TVP23A: variants seen among roughly 807,000 people sequenced by gnomAD.
TVP23A encodes trans-golgi network vesicle protein 23 homolog A, also known as Golgi apparatus membrane protein TVP23 homolog A.
A neutral mutation model predicts 31.7 loss-of-function variants in TVP23A; 21 were observed. That is an observed-to-expected ratio of 0.66 (90% CI 0.47 to 0.95). The LOEUF (loss-of-function observed/expected upper bound fraction) is 0.95, where lower values mean the gene tolerates loss of function less well. Among genes scored for constraint, TVP23A ranks in the 40% least tolerant of loss-of-function variants. TVP23A has a pLI of 0.00. For missense variants in TVP23A, 279 were observed against 255.6 expected (o/e 1.09, Z -0.62); for synonymous variants, 104 against 96.0 (o/e 1.08, Z -0.49).
Position 10,766,995 on chromosome 16 carries a change from C to T in TVP23A, c.*2107G>A. On this transcript the variant is annotated 3_prime_UTR_variant, in exon 8 of 8. Coordinates refer to ENST00000299866, the MANE Select transcript of TVP23A (RefSeq NM_001079512.4). This position sits in a 1 kb window ranked among gnomAD's most constrained non-coding sequence, Gnocchi z 4.8. ...TCTCCCACCAACCCCTCCCCACAGG[C>T]TTCTTCCCCGACTTGGACTTCCCTG... 1 of 398,836 alleles carries T rather than the reference C, an allele frequency of 2.5e-6. No homozygotes were observed. The highest frequency in any genetic ancestry group is 4.4e-6 in the Non-Finnish European group (1 of 226,210). 24.7% of individuals were successfully genotyped at this position (398,836 alleles called of 1,614,324 possible). A position where few individuals can be genotyped will look rare whatever the true frequency, so the allele number is the denominator to read the frequency against.
intron 2 of TVP23A, among the ~76,000 whole-genome samples, chr16:10,817,276 G>A (rs1041405040): frequency 2.8e-4 from 42 of 152,206 alleles, no homozygotes; most frequent in African/African-American, 9.9e-4. Context: ...ACTTTCTGGG[G>A]TTTATTAGGT....
At chr16:10,762,343 A>G (rs2142763970), downstream of TVP23A, among the ~76,000 whole-genome samples, 1 of 152,284 alleles carries the variant, frequency 6.6e-6, no homozygotes, top group South Asian at 2.1e-4. Flanking sequence ...GCAGGGGCCA[A>G]GTTCCCAAAA....
At chr16:10,761,982 G>C, downstream of TVP23A, 2 of 715,662 alleles carry the variant, frequency 2.8e-6, no homozygotes, top group Non-Finnish European at 4.6e-6. Flanking sequence ...TGGGGCGCTG[G>C]AGCCAGACCC....
At chr16:10,808,110 T>A (rs2143000854) in intron 2 of TVP23A, among the ~76,000 whole-genome samples, 1 of 152,224 alleles carries the variant, frequency 6.6e-6, no homozygotes, top group East Asian at 1.9e-4. Flanking sequence ...TCTGAGAAAA[T>A]GATAGTGCCT....
downstream of TVP23A, among the ~76,000 whole-genome samples, chr16:10,762,593 C>T (rs926937068): frequency 6.6e-6 from 1 of 152,170 alleles, no homozygotes; most frequent in African/African-American, 2.4e-5. Flanking sequence ...AGTGGGGCTC[C>T]TGCGGGGCGT....
intron 2 of TVP23A, among the ~76,000 whole-genome samples, chr16:10,797,123 A>G (rs1278677046): frequency 6.6e-6 from 1 of 151,636 alleles, no homozygotes; most frequent in African/African-American, 2.4e-5. Context: ...GGGGAGGTCG[A>G]GGCTATAATG....
In TVP23A at chr16:10,818,362, C is replaced by T. The variant is rs946817911; in HGVS notation, c.9+123G>A. 5 of 1,456,870 alleles carry T rather than the reference C, an allele frequency of 3.4e-6. No homozygotes were observed. The African/African-American group carries it at 5.6e-5, about 16-fold the overall frequency. 90.2% of individuals were successfully genotyped at this position (1,456,870 alleles called of 1,614,324 possible). A position where few individuals can be genotyped will look rare whatever the true frequency, so the allele number is the denominator to read the frequency against. On this transcript the variant is annotated intron_variant, in intron 1 of 7. Coordinates refer to ENST00000299866, the MANE Select transcript of TVP23A (RefSeq NM_001079512.4). This position sits in a 1 kb window ranked among gnomAD's most constrained non-coding sequence, Gnocchi z 4.7. ...GCAAAGCCCTCTCCACCCTCCCGAC[C>T]ACCGGGTGCAGCCCAGCCCCAGGCC... is the stretch of plus-strand genomic sequence containing the variant.
chr16:10,803,371 A>G (rs914814289), intron 2 of TVP23A, among the ~76,000 whole-genome samples: 1 of 151,946 alleles, frequency 6.6e-6, no homozygotes, highest in African/African-American at 2.4e-5. Flanking sequence ...ACAACAACAC[A>G]TGTGTGGAGA....
At chr16:10,811,797 G>A (rs780800715) in intron 2 of TVP23A, among the ~76,000 whole-genome samples, 5 of 151,280 alleles carry the variant, frequency 3.3e-5, no homozygotes, top group African/African-American at 4.9e-5. Context: ...CCATCTACTC[G>A]GCAGGCTGAG....
At chr16:10,787,731 T>A (rs972450621) in intron 2 of TVP23A, among the ~76,000 whole-genome samples, 2 of 151,966 alleles carry the variant, frequency 1.3e-5, no homozygotes, top group African/African-American at 4.8e-5. Context: ...GCTGTTCTCC[T>A]CTCTCTTTCT....
Position 10,818,389 on chromosome 16 carries a change from CG to C in TVP23A, c.9+95del. ...CCGGGTGCAGCCCAGCCCCAGGCCC[CG>C]GCGCATCCCTCCTCCTCCTCCCGGC... On this transcript the variant is annotated intron_variant, in intron 1 of 7. Transcript: ENST00000299866. The surrounding 1 kb of genome is among the most constrained non-coding windows in gnomAD (Gnocchi z 4.7). 1 of 1,524,826 alleles carries C rather than the reference CG, an allele frequency of 6.6e-7. No homozygotes were observed. The highest frequency in any genetic ancestry group is 1.9e-5 in the Admixed American group (1 of 52,810). 94.5% of individuals were successfully genotyped at this position (1,524,826 alleles called of 1,614,324 possible).
downstream of TVP23A, chr16:10,761,714 T>G (rs766936204): frequency 1.3e-6 from 2 of 1,520,494 alleles, no homozygotes; most frequent in Non-Finnish European, 1.8e-6. Context: ...CTTGTGATTC[T>G]GCAAAAAAAT....
At chr16:10,776,500 G>A (rs1002168160) in intron 2 of TVP23A, among the ~76,000 whole-genome samples, 9 of 152,154 alleles carry the variant, frequency 5.9e-5, no homozygotes, top group African/African-American at 2.2e-4. Context: ...TTCTTTCTGT[G>A]GTTTCCCAGT....
chr16:10,769,828 C>A (rs971398125), intron 7 of TVP23A, among the ~76,000 whole-genome samples: 1 of 152,172 alleles, frequency 6.6e-6, no homozygotes, highest in African/African-American at 2.4e-5. Flanking sequence ...CTACGATCAT[C>A]CTCTTTGCCA....
chr16:10,815,603 A>C (rs2034403539), intron 2 of TVP23A, among the ~76,000 whole-genome samples: 1 of 152,154 alleles, frequency 6.6e-6, no homozygotes. Flanking sequence ...GAATGCTGCT[A>C]AACATCCCAC....
At chr16:10,776,051 A>G (rs1301488517) in intron 2 of TVP23A, among the ~76,000 whole-genome samples, 1 of 150,558 alleles carries the variant, frequency 6.6e-6, no homozygotes, top group Non-Finnish European at 1.5e-5. Context: ...GCCTGGCCTT[A>G]TTTTTTTTAT....
At chr16:10,789,757 A>G (rs115802351) in intron 2 of TVP23A, among the ~76,000 whole-genome samples, 4,715 of 150,582 alleles carry the variant, frequency 0.031, 110 homozygotes, top group African/African-American at 0.064. Context: ...CTTGAACCCA[A>G]GAGGTAGAGG....
In TVP23A at chr16:10,779,153, G is replaced by T. The variant is rs1197157871; in HGVS notation, c.90-4057C>A. 6.6e-6 allele frequency among the ~76,000 whole-genome samples: 1 copy of T among 152,122 alleles called. No homozygotes were observed. The highest frequency in any genetic ancestry group is 2.4e-5 in the African/African-American group (1 of 41,396). ...TTGTTGATAGCTTCCACTTAGCTGG[G>T]CCCTGATTAACTCAATGGAAAGTGG... On this transcript the variant is annotated intron_variant, in intron 2 of 7. Coordinates refer to ENST00000299866, the MANE Select transcript of TVP23A (RefSeq NM_001079512.4). The surrounding 1 kb of genome is among the most constrained non-coding windows in gnomAD (Gnocchi z 4.9).
intron 2 of TVP23A, among the ~76,000 whole-genome samples, chr16:10,797,961 T>C (rs981525885): frequency 6.1e-5 from 9 of 146,582 alleles, no homozygotes; most frequent in South Asian, 2.2e-4. Flanking sequence ...TTTTCTTTTT[T>C]TTTTTTTTTT....
Sources: allele counts gnomAD v4.1 joint callset (sites outside exome capture counted in the v4.1 genomes callset), GRCh38; gene constraint gnomAD v4.1.1; non-coding constraint Gnocchi (gnomAD v3.1); transcripts MANE v1.5; gene names NCBI Gene and HGNC (gene_info 2026-07-23, HGNC 2026-07-21).